Variants in BANK1 observed in about 807,000 individuals in gnomAD.
The protein encoded by BANK1 is B-cell scaffold protein with ankyrin repeats.
Under a neutral mutation model 94.5 loss-of-function variants are expected in BANK1, and 95 were observed. The observed-to-expected ratio is 1.00, with a 90% CI of 0.85 to 1.19. The LOEUF is 1.19. BANK1 is among the 50% of genes most tolerant of loss of function. The pLI, the probability that BANK1 is intolerant of heterozygous loss-of-function variation, is 0.00. For missense variants in BANK1, 987 were observed against 932.2 expected, an observed-to-expected ratio of 1.06 and a Z score of -0.77; for synonymous variants, 334 against 308.4, an observed-to-expected ratio of 1.08 and a Z score of -0.87.
chr4:101,803,997 C>CAAAAAA lies in BANK1; in HGVS notation c.70+13070_70+13075dup, dbSNP rs55704915. On this transcript the variant is annotated intron_variant, in intron 1 of 16. Coordinates refer to ENST00000322953, the MANE Select transcript of BANK1 (RefSeq NM_017935.5). Reference sequence around the variant, plus strand: ...TGGGCGACAGAGCGAGACTCCGTCTCAAAAAAAAAAAAAAAAAAAAAAAAA... The same window carrying CAAAAAA: ...TGGGCGACAGAGCGAGACTCCGTCTCAAAAAAAAAAAAAAAAAAAAAAAAAAAAAAA... 3.7e-4 allele frequency among the ~76,000 whole-genome samples: 25 copies of CAAAAAA among 68,384 alleles called. 1 individual carries two copies. The highest frequency in any genetic ancestry group is 8.0e-4 in the African/African-American group (12 of 15,076). 44.9% of individuals were successfully genotyped at this position (68,384 alleles called of 152,430 possible). A position where few individuals can be genotyped will look rare whatever the true frequency, so the allele number is the denominator to read the frequency against.
At chr4:101,906,542 A>T (rs969067406) in intron 6 of BANK1, among the ~76,000 whole-genome samples, 2 of 152,182 alleles carry the variant, frequency 1.3e-5, no homozygotes, top group Non-Finnish European at 2.9e-5. Context: ...GAGGGGGTGC[A>T]GAAGGGTAGG....
chr4:101,902,982 G>A (rs185422159), intron 6 of BANK1, among the ~76,000 whole-genome samples: 2 of 152,318 alleles, frequency 1.3e-5, no homozygotes, highest in African/African-American at 4.8e-5. Context: ...TCAATTAACT[G>A]TGTGGAATGA....
At chr4:101,853,743 T>C (rs1252133815) in intron 2 of BANK1, among the ~76,000 whole-genome samples, 1 of 151,732 alleles carries the variant, frequency 6.6e-6, no homozygotes, top group Non-Finnish European at 1.5e-5. Flanking sequence ...GACTGAGGGG[T>C]CTCCTGGGGC....
At position 102,073,699 on chromosome 4, in the gene BANK1, C is replaced by A. The variant is rs1728829646; in HGVS notation, c.2314C>A (p.Gln772Lys). The change falls in exon 16 of 17, where the codon CAA becomes AAA. Residue 772 changes from glutamine to lysine, a missense_variant. Coordinates refer to ENST00000322953, the MANE Select transcript of BANK1 (RefSeq NM_017935.5). Reference sequence around the variant, plus strand: ...TTTTTTTCAGCTTCCTGCTCGACCCCAAGTTGAAAAGGAATTTGGTTTCTG... The same window carrying A: ...TTTTTTTCAGCTTCCTGCTCGACCCAAAGTTGAAAAGGAATTTGGTTTCTG... ...HFSNKLPARP[Q>K]VEKEFGFCCK... The A allele has an allele frequency of 1.2e-6, 2 of 1,611,194 alleles. No individual in the cohort carries two copies. Among genetic ancestry groups the A allele is most frequent in the African/African-American group, 1.3e-5 (1 of 74,844 alleles).
chr4:101,818,863 G>A (rs916963479), intron 1 of BANK1, among the ~76,000 whole-genome samples: 11 of 145,002 alleles, frequency 7.6e-5, no homozygotes, highest in Non-Finnish European at 1.2e-4. Flanking sequence ...AATAAAGAAA[G>A]ATTACTGTAT....
chr4:101,925,433 AT>A (rs1476104075), intron 7 of BANK1, among the ~76,000 whole-genome samples: 2 of 151,746 alleles, frequency 1.3e-5, no homozygotes, highest in Non-Finnish European at 3.0e-5. Context: ...TCAGTAGGTA[AT>A]GATTTTTATG....
At chr4:102,061,568 T>G (rs1453474275) in intron 12 of BANK1, 1 of 152,232 alleles carries the variant, frequency 6.6e-6, no homozygotes, top group East Asian at 1.9e-4. Context: ...ATCACTTTCC[T>G]AGCAATGTTA....
rs1317257799 is a variant in BANK1 at position 101,825,992 on chromosome 4, G to A, written c.71-3816G>A. Among the ~76,000 whole-genome samples the A allele has an allele frequency of 2.6e-5, 4 of 151,974 alleles. No individual in the cohort carries two copies. The East Asian group carries it at 5.8e-4, about 22-fold the overall frequency. ...CAATTGTGATACCAAGCCAAATAAC[G>A]TGGGAGTATTTATTCTTTACATTAA... On this transcript the variant is annotated intron_variant, in intron 1 of 16. Transcript: ENST00000322953.
At chr4:101,859,664 G>C (rs571668945) in intron 3 of BANK1, among the ~76,000 whole-genome samples, 2 of 152,086 alleles carry the variant, frequency 1.3e-5, no homozygotes, top group African/African-American at 4.8e-5. Flanking sequence ...GCTTACTCCC[G>C]GGAGTTGAGG....
At chr4:102,057,577 T>A (rs1728273413) in intron 11 of BANK1, among the ~76,000 whole-genome samples, 1 of 152,086 alleles carries the variant, frequency 6.6e-6, no homozygotes, top group South Asian at 2.1e-4. Context: ...CCAATCCACC[T>A]GCATCGGCCT....
intron 7 of BANK1, among the ~76,000 whole-genome samples, chr4:101,983,737 A>G (rs1032902817): frequency 3.3e-5 from 5 of 152,120 alleles, no homozygotes; most frequent in Non-Finnish European, 7.4e-5. Flanking sequence ...TGTTCCAGAT[A>G]TTTAACACAG....
chr4:102,027,945 CA>C (rs1362124169), intron 9 of BANK1, among the ~76,000 whole-genome samples: 1 of 152,100 alleles, frequency 6.6e-6, no homozygotes, highest in East Asian at 1.9e-4. Flanking sequence ...CTTTTTTATA[CA>C]GTCTTGACCC....
At chr4:101,986,835 A>ATATATATGTGTATATATG (rs754623333) in intron 7 of BANK1, among the ~76,000 whole-genome samples, 1 of 106,550 alleles carries the variant, frequency 9.4e-6, no homozygotes. Context: ...ATATATATGT[A>ATATATATGTGTATATATG]TATATATGTG....
chr4:101,884,463 A>G (rs1311796868), intron 5 of BANK1, among the ~76,000 whole-genome samples: 1 of 152,086 alleles, frequency 6.6e-6, no homozygotes, highest in African/African-American at 2.4e-5. Flanking sequence ...TCTGTTACCT[A>G]TAAAATAAAG....
At position 102,072,372 on chromosome 4, in the gene BANK1, A is replaced by C. The variant is rs138372719; in HGVS notation, c.2270A>C (p.Lys757Thr). The C allele has an allele frequency of 4.2e-4, 668 of 1,596,970 alleles. No homozygotes were observed. The highest frequency in any genetic ancestry group is 5.2e-4 in the Non-Finnish European group (602 of 1,165,152). Residue 757 changes from lysine to threonine, a missense_variant, in exon 15 of 17, where the codon AAG becomes ACG. Coordinates refer to ENST00000322953, the MANE Select transcript of BANK1 (RefSeq NM_017935.5). ...GGKETAHNEN[K>T]FYNVHFSNKL... ...AAGGAAACTGCCCACAATGAAAATA[A>C]GTTTTATAATGTACACTTCAGCAAT...
chr4:101,793,232 G>A (rs553694233), intron 1 of BANK1, among the ~76,000 whole-genome samples: 19 of 152,174 alleles, frequency 1.2e-4, no homozygotes, highest in Non-Finnish European at 2.6e-4. Context: ...CTAGGTCTCT[G>A]CTCTCTAGCT....
At chr4:102,010,135 G>C (rs1408446461) in intron 7 of BANK1, among the ~76,000 whole-genome samples, 4 of 151,472 alleles carry the variant, frequency 2.6e-5, no homozygotes, top group African/African-American at 7.3e-5. Context: ...TGTGGTGGCG[G>C]GCGCCTGTAG....
rs139156977 is a variant in BANK1 at position 102,063,124 on chromosome 4, A to T, written c.2198A>T (p.Glu733Val). 1 of 1,613,198 alleles carries T rather than the reference A, an allele frequency of 6.2e-7. No individual in the cohort carries two copies. Among genetic ancestry groups the T allele is most frequent in the East Asian group, 2.2e-5 (1 of 44,824 alleles). The change falls in exon 13 of 17, where the codon GAA becomes GTA. Residue 733 changes from glutamate to valine, a missense_variant. Glu to Val is a moderately radical substitution (Grantham distance 121, BLOSUM62 -2). Transcript: ENST00000322953. ...TGCATTATTGGGAAAAGGCCAGAAGAAGAAAATGTCTATAGTAAGTAAGAT... is the reference window on the plus strand; with the variant it reads ...TGCATTATTGGGAAAAGGCCAGAAGTAGAAAATGTCTATAGTAAGTAAGAT... ...RDCIIGKRPE[E>V]ENVYNKLTIV...
intron 1 of BANK1, among the ~76,000 whole-genome samples, chr4:101,812,069 CT>C (rs1725747799): frequency 6.6e-6 from 1 of 151,784 alleles, no homozygotes; most frequent in Non-Finnish European, 1.5e-5. Context: ...CATTATAATA[CT>C]TATGAATGAT....
Sources: gnomAD v4.1 joint callset for allele counts (sites outside exome capture counted in the v4.1 genomes callset) on GRCh38, gnomAD v4.1.1 for gene constraint, MANE v1.5 for transcripts, NCBI Gene and HGNC (gene_info 2026-07-23, HGNC 2026-07-21) for gene names.